The following LRRC4C variants were observed in gnomAD, a reference collection of about 807,000 sequenced individuals.
The protein encoded by LRRC4C is leucine-rich repeat-containing protein 4C.
In LRRC4C, 5 loss-of-function variants were observed where a neutral mutation model predicts 33.6. The ratio of observed to expected loss-of-function variants is 0.15; its 90% CI spans 0.08 to 0.31. The LOEUF (loss-of-function observed/expected upper bound fraction) is 0.31. LRRC4C is among the 10% of genes least tolerant of loss of function. LRRC4C has a pLI of 1.00. For synonymous variants in LRRC4C, 329 were observed against 302.0 expected (o/e 1.09, Z -0.93); for missense variants, 560 against 796.7 (o/e 0.70, Z 3.58).
intron 1 of LRRC4C, among the ~76,000 whole-genome samples, chr11:41,153,717 T>C (rs1168545181): frequency 6.6e-6 from 1 of 152,176 alleles, no homozygotes; most frequent in Non-Finnish European, 1.5e-5. Context: ...TAGAAATTTA[T>C]TTATTTATTT....
At chr11:41,225,160 G>T (rs1433317163) in intron 1 of LRRC4C, among the ~76,000 whole-genome samples, 1 of 152,078 alleles carries the variant, frequency 6.6e-6, no homozygotes, top group South Asian at 2.1e-4. Context: ...ATGTACGGGG[G>T]TAGGAAGAAC....
At chr11:40,824,974 G>A (rs1348102962) in intron 2 of LRRC4C, among the ~76,000 whole-genome samples, 1 of 151,884 alleles carries the variant, frequency 6.6e-6, no homozygotes, top group Non-Finnish European at 1.5e-5. Flanking sequence ...CTTCTAAGTG[G>A]CCATTACAGA....
At chr11:41,247,509 ACATTT>A (rs1948492586) in intron 1 of LRRC4C, among the ~76,000 whole-genome samples, 1 of 152,230 alleles carries the variant, frequency 6.6e-6, no homozygotes, top group Non-Finnish European at 1.5e-5. Flanking sequence ...TCTTTTTACT[ACATTT>A]TAGTACTAAA....
intron 1 of LRRC4C, among the ~76,000 whole-genome samples, chr11:40,995,661 A>G (rs1853917130): frequency 6.6e-6 from 1 of 152,150 alleles, no homozygotes; most frequent in Non-Finnish European, 1.5e-5. Flanking sequence ...AAGAAAAAAG[A>G]CTAGGGAGTA....
intron 3 of LRRC4C, among the ~76,000 whole-genome samples, chr11:40,438,933 T>C (rs1408928806): frequency 7.0e-6 from 1 of 142,950 alleles, no homozygotes; most frequent in Non-Finnish European, 1.5e-5. Flanking sequence ...CTACTTTTTT[T>C]TTTTTTTTTT....
At chr11:40,339,540 G>A (rs1386029718) in intron 3 of LRRC4C, among the ~76,000 whole-genome samples, 2 of 152,162 alleles carry the variant, frequency 1.3e-5, no homozygotes, top group Non-Finnish European at 2.9e-5. Flanking sequence ...TCTACCCAAT[G>A]CCTTGAGCAG....
chr11:40,650,740 C>A (rs1942745462), intron 2 of LRRC4C, among the ~76,000 whole-genome samples: 1 of 152,134 alleles, frequency 6.6e-6, no homozygotes. Context: ...TGCATCTGAA[C>A]TATATTACTT....
chr11:40,330,089 G>A (rs1946291198), intron 3 of LRRC4C, among the ~76,000 whole-genome samples: 1 of 152,088 alleles, frequency 6.6e-6, no homozygotes, highest in African/African-American at 2.4e-5. Flanking sequence ...AATCCAATGA[G>A]TCATACCAGT....
chr11:40,246,834 A>C (rs1220245506), intron 4 of LRRC4C, among the ~76,000 whole-genome samples: 1 of 152,206 alleles, frequency 6.6e-6, no homozygotes, highest in Non-Finnish European at 1.5e-5. Flanking sequence ...TGTCAGATAT[A>C]TGTTCATATT....
At chr11:40,375,883 T>G (rs368970768) in intron 3 of LRRC4C, among the ~76,000 whole-genome samples, 1 of 152,160 alleles carries the variant, frequency 6.6e-6, no homozygotes, top group African/African-American at 2.4e-5. Context: ...CCATGAATAT[T>G]TATCAAGTCA....
intron 2 of LRRC4C, among the ~76,000 whole-genome samples, chr11:40,910,465 T>C (rs1174715615): frequency 6.6e-6 from 1 of 152,210 alleles, no homozygotes; most frequent in African/African-American, 2.4e-5. Flanking sequence ...AGCTTTAATG[T>C]CACTTGATAT....
At chr11:40,615,157 T>C (rs1488283768) in intron 3 of LRRC4C, among the ~76,000 whole-genome samples, 1 of 150,508 alleles carries the variant, frequency 6.6e-6, no homozygotes, top group Non-Finnish European at 1.5e-5. Flanking sequence ...TAATGTCTGA[T>C]GAGTACGGAA....
At chr11:41,142,283 T>C (rs1943541154) in intron 1 of LRRC4C, among the ~76,000 whole-genome samples, 1 of 152,176 alleles carries the variant, frequency 6.6e-6, no homozygotes, top group African/African-American at 2.4e-5. Context: ...ATAGATGACC[T>C]CTACCTTCAG....
chr11:41,232,111 C>A (rs562579404), intron 1 of LRRC4C, among the ~76,000 whole-genome samples: 3 of 152,102 alleles, frequency 2.0e-5, no homozygotes, highest in Non-Finnish European at 4.4e-5. Flanking sequence ...GCCCCTTGGA[C>A]TCAGCATCAC....
chr11:40,210,132 A>G (rs1284593088), intron 5 of LRRC4C, among the ~76,000 whole-genome samples: 4 of 151,990 alleles, frequency 2.6e-5, no homozygotes, highest in Non-Finnish European at 5.9e-5. Context: ...TCCATTATGT[A>G]GAAAAGAATA....
At chr11:41,254,661 A>G (rs2136672495) in intron 1 of LRRC4C, among the ~76,000 whole-genome samples, 1 of 152,124 alleles carries the variant, frequency 6.6e-6, no homozygotes, top group Non-Finnish European at 1.5e-5. Flanking sequence ...CTCCTGAGGA[A>G]CAATGTGTAA....
At chr11:40,751,262 A>G (rs550180293) in intron 2 of LRRC4C, among the ~76,000 whole-genome samples, 23 of 152,268 alleles carry the variant, frequency 1.5e-4, no homozygotes, top group African/African-American at 5.1e-4. Context: ...TTGATGTCCT[A>G]GCCAGATAAA....
chr11:40,523,579 G>T (rs1164571006), intron 3 of LRRC4C, among the ~76,000 whole-genome samples: 1 of 148,160 alleles, frequency 6.7e-6, no homozygotes, highest in Non-Finnish European at 1.5e-5. Context: ...GTAAAATATA[G>T]ATTTATATAT....
intron 3 of LRRC4C, among the ~76,000 whole-genome samples, chr11:40,601,012 T>C (rs953571843): frequency 1.3e-5 from 2 of 152,146 alleles, no homozygotes; most frequent in African/African-American, 4.8e-5. Flanking sequence ...ACTCTGATAA[T>C]TTTTTTAAGA....
Sources: allele counts gnomAD v4.1 joint callset (sites outside exome capture counted in the v4.1 genomes callset), GRCh38; gene constraint gnomAD v4.1.1; transcripts MANE v1.5; gene names NCBI Gene and HGNC (gene_info 2026-07-23, HGNC 2026-07-21).